The following MID2 variants were observed in gnomAD, a reference collection of about 807,000 sequenced individuals.
MID2 encodes the protein midline 2.
Under a neutral mutation model 46.1 loss-of-function variants are expected in MID2, and 13 were observed. That is an observed-to-expected ratio of 0.28 (90% confidence interval 0.18 to 0.45). MID2 has a LOEUF of 0.45. Among genes scored for constraint, MID2 ranks in the 20% least tolerant of loss-of-function variants. The pLI, the probability that MID2 is intolerant of heterozygous loss-of-function variation, is 1.00. For missense variants in MID2, 431 were observed against 575.4 expected, an observed-to-expected ratio of 0.75 and a Z score of 2.57; for synonymous variants, 199 against 212.3, an observed-to-expected ratio of 0.94 and a Z score of 0.55.
chrX:107,829,578 G>C (rs5962896), intron 1 of MID2, among the ~76,000 whole-genome samples: 3,182 of 112,227 alleles, frequency 0.028, 116 homozygotes, highest in African/African-American at 0.098. Flanking sequence ...CCTAGTAGCA[G>C]AGTCAACAAT....
intron 1 of MID2, among the ~76,000 whole-genome samples, chrX:107,836,556 T>C (rs1051389569): frequency 9.0e-6 from 1 of 110,719 alleles, no homozygotes; most frequent in East Asian, 2.8e-4. Context: ...CAGCCTACTT[T>C]TTTTTTTTTT....
rs187226550 is a variant in MID2, at chrX:107,863,082, G to A, written c.816+8378G>A. ...TATAGATGAAAAACCTAAGTTAACT[G>A]TGCAATCCAGTGTGTGGTCATAGCC... On this transcript the variant is annotated intron_variant, in intron 3 of 9. Coordinates refer to ENST00000262843, the MANE Select transcript of MID2 (RefSeq NM_012216.4). 3.7e-3 allele frequency among the ~76,000 whole-genome samples: 413 copies of A among 111,971 alleles called. 3 individuals carry two copies. The highest frequency in any genetic ancestry group is 4.9e-3 in the Non-Finnish European group (258 of 53,167).
At chrX:107,844,943 C>T (rs778713225) in intron 2 of MID2, among the ~76,000 whole-genome samples, 3 of 111,997 alleles carry the variant, frequency 2.7e-5, no homozygotes, top group African/African-American at 6.5e-5. Context: ...GTTTCTAGTA[C>T]ACATAGTATT....
At chrX:107,910,325 G>T (rs1295064904) in intron 5 of MID2, among the ~76,000 whole-genome samples, 1 of 112,036 alleles carries the variant, frequency 8.9e-6, no homozygotes, top group East Asian at 2.8e-4. Flanking sequence ...AAGGATAACA[G>T]GATTTCCTCC....
At position 107,890,645 on chromosome X, in the gene MID2, T is replaced by C. The variant is rs759296663; in HGVS notation, c.817-13313T>C. Among the ~76,000 whole-genome samples, 49 of 112,327 alleles carry C rather than the reference T, an allele frequency of 4.4e-4. 1 individual carries two copies. Among genetic ancestry groups the C allele is most frequent in the Admixed American group, 2.6e-3 (28 of 10,653 alleles). Reference sequence around the variant, plus strand: ...GGAGAACCACTCCTCTCTTCAAAGCTGTCAGACAGGGACATTTAAGTCTGC... The same window carrying C: ...GGAGAACCACTCCTCTCTTCAAAGCCGTCAGACAGGGACATTTAAGTCTGC... On this transcript the variant is annotated intron_variant, in intron 3 of 9. Transcript: ENST00000262843.
At position 107,910,221 on chromosome X, in the gene MID2, A is replaced by G. The variant is rs751951973; in HGVS notation, c.1073+4595A>G. On this transcript the variant is annotated intron_variant, in intron 5 of 9. Transcript: ENST00000262843. ...CTATTTCTATGAGTTTGATTTTTTC[A>G]GATTCCACCTATGTGCGAGATCATA... Among the ~76,000 whole-genome samples the G allele has an allele frequency of 1.4e-4, 16 of 111,609 alleles. No individual in the cohort carries two copies. The South Asian group carries it at 5.7e-3, about 40-fold the overall frequency.
rs184306311 is a variant in MID2, at chrX:107,843,474, G to A, written c.720+2089G>A. On this transcript the variant is annotated intron_variant, in intron 2 of 9. Transcript: ENST00000262843. Reference sequence around the variant, plus strand: ...AATCGGTAATTTTTGGAGAAAGAAAGCCAGATTTTGAATAGTTCCCCTTTC... The same window carrying A: ...AATCGGTAATTTTTGGAGAAAGAAAACCAGATTTTGAATAGTTCCCCTTTC... Among the ~76,000 whole-genome samples the A allele has an allele frequency of 5.9e-3, 668 of 112,278 alleles. 7 individuals are homozygous for A. The highest frequency in any genetic ancestry group is 0.02 in the African/African-American group (629 of 30,972).
At chrX:107,851,612 C>T (rs1257140219) in intron 2 of MID2, among the ~76,000 whole-genome samples, 2 of 110,186 alleles carry the variant, frequency 1.8e-5, no homozygotes, top group African/African-American at 6.6e-5. Flanking sequence ...CCTGATTATG[C>T]CATTACCTTG....
rs1276957001 is a variant in MID2 at position 107,845,525 on chromosome X, A to ACACACTCTCTCTCT, written c.720+4141_720+4142insACACTCTCTCTCTC. Among the ~76,000 whole-genome samples the ACACACTCTCTCTCT allele has an allele frequency of 5.1e-4, 37 of 72,942 alleles. 1 individual carries two copies. The highest frequency in any genetic ancestry group is 2.7e-3 in the African/African-American group (36 of 13,208). The allele number at this position is 72,942 out of a possible 115,157, so 63.3% of individuals were successfully genotyped here. ...CACACACACACACACACACACACAC[A>ACACACTCTCTCTCT]CTCTCTCTCTCTCTCTCTCTCTCTC... is the stretch of plus-strand genomic sequence containing the variant. On this transcript the variant is annotated intron_variant, in intron 2 of 9. Coordinates refer to ENST00000262843, the MANE Select transcript of MID2 (RefSeq NM_012216.4).
chrX:107,869,953 A>G (rs1932033046), intron 3 of MID2, among the ~76,000 whole-genome samples: 1 of 111,396 alleles, frequency 9.0e-6, no homozygotes, highest in Non-Finnish European at 1.9e-5. Flanking sequence ...TTAAAACACT[A>G]TGGTGATATC....
At chrX:107,843,819 C>A (rs1280493323) in intron 2 of MID2, among the ~76,000 whole-genome samples, 1 of 110,285 alleles carries the variant, frequency 9.1e-6, no homozygotes, top group Non-Finnish European at 1.9e-5. Flanking sequence ...TTAGGATTAC[C>A]CCCTTAGTCT....
intron 3 of MID2, among the ~76,000 whole-genome samples, chrX:107,863,755 T>C (rs1301189815): frequency 1.8e-5 from 2 of 112,521 alleles, no homozygotes; most frequent in Non-Finnish European, 3.8e-5. Context: ...AAACCCAGAC[T>C]TGAAACCAAA....
At chrX:107,907,821 T>A (rs1328060854) in intron 5 of MID2, among the ~76,000 whole-genome samples, 3 of 112,368 alleles carry the variant, frequency 2.7e-5, no homozygotes, top group Non-Finnish European at 5.6e-5. Context: ...TTACTATAAG[T>A]CATATTGCAA....
chrX:107,876,343 G>A (rs760318803), intron 3 of MID2, among the ~76,000 whole-genome samples: 38 of 111,702 alleles, frequency 3.4e-4, no homozygotes, highest in African/African-American at 1.2e-3. Context: ...GGCTACCTGA[G>A]TAATAAATTT....
intron 3 of MID2, among the ~76,000 whole-genome samples, chrX:107,870,027 A>T (rs950172782): frequency 2.7e-5 from 3 of 111,565 alleles, no homozygotes; most frequent in Non-Finnish European, 5.7e-5. Flanking sequence ...ATTTAGTATG[A>T]AGTTTGCTAT....
chrX:107,880,036 G>A (rs1474207325), intron 3 of MID2, among the ~76,000 whole-genome samples: 4 of 107,871 alleles, frequency 3.7e-5, no homozygotes, highest in Non-Finnish European at 7.6e-5. Context: ...AGATAGAGCT[G>A]ACTTATCAAG....
intron 3 of MID2, among the ~76,000 whole-genome samples, chrX:107,856,700 A>G (rs1931744935): frequency 8.9e-6 from 1 of 112,035 alleles, no homozygotes; most frequent in Non-Finnish European, 1.9e-5. Flanking sequence ...TTGTGTTAAT[A>G]GGGAAGGAAC....
At chrX:107,828,329 T>TTTTTTTA (rs1931008897) in intron 1 of MID2, among the ~76,000 whole-genome samples, 1 of 103,464 alleles carries the variant, frequency 9.7e-6, no homozygotes, top group African/African-American at 3.6e-5. Context: ...TTTTTTTTTT[T>TTTTTTTA]GAGACAGGGT....
intron 3 of MID2, among the ~76,000 whole-genome samples, chrX:107,862,282 C>A (rs1454442500): frequency 1.8e-5 from 2 of 111,471 alleles, no homozygotes; most frequent in African/African-American, 6.5e-5. Flanking sequence ...GATTCCTAGC[C>A]CTGACCTCAG....
Sources: allele counts gnomAD v4.1 joint callset (sites outside exome capture counted in the v4.1 genomes callset), GRCh38; gene constraint gnomAD v4.1.1; transcripts MANE v1.5; gene names NCBI Gene and HGNC (gene_info 2026-07-23, HGNC 2026-07-21).